The following IQGAP2 variants were observed in gnomAD, a reference collection of about 807,000 sequenced individuals.
IQGAP2 encodes the protein ras GTPase-activating-like protein IQGAP2.
IQGAP2 carries 173 observed loss-of-function variants against 201.3 expected under a neutral mutation model. The ratio of observed to expected loss-of-function variants is 0.86; its 90% confidence interval spans 0.76 to 0.98. The LOEUF is 0.98. Among genes scored for constraint, IQGAP2 ranks in the 50% least tolerant of loss-of-function variants. The pLI is 0.00. For synonymous variants in IQGAP2, 675 were observed against 673.9 expected (o/e 1.00, Z -0.03); for missense variants, 1,687 against 1,864.8 (o/e 0.90, Z 1.76).
At chr5:76,548,143 G>A (rs1028759892) in intron 2 of IQGAP2, among the ~76,000 whole-genome samples, 14 of 152,296 alleles carry the variant, frequency 9.2e-5, no homozygotes, top group African/African-American at 3.1e-4. Flanking sequence ...TCTCTGTGAG[G>A]TAGCAAGTAT....
At chr5:76,704,644 A>G (rs1747715115) in intron 35 of IQGAP2, among the ~76,000 whole-genome samples, 1 of 152,204 alleles carries the variant, frequency 6.6e-6, no homozygotes, top group Non-Finnish European at 1.5e-5. Context: ...TGTTTTTAAA[A>G]TTATTAAGGA....
At chr5:76,508,977 T>G (rs1287643684) in intron 2 of IQGAP2, among the ~76,000 whole-genome samples, 2 of 152,040 alleles carry the variant, frequency 1.3e-5, no homozygotes, top group Non-Finnish European at 2.9e-5. Flanking sequence ...ACCATGCTGA[T>G]GACAGTGTGC....
intron 1 of IQGAP2, among the ~76,000 whole-genome samples, chr5:76,440,662 T>C (rs923775231): frequency 3.9e-5 from 6 of 152,318 alleles, no homozygotes; most frequent in South Asian, 4.1e-4. Context: ...GCTGGCCAAG[T>C]TGACAGTGAT....
At chr5:76,544,076 G>A (rs1742947639) in intron 2 of IQGAP2, among the ~76,000 whole-genome samples, 2 of 152,108 alleles carry the variant, frequency 1.3e-5, no homozygotes, top group African/African-American at 4.8e-5. Context: ...GGTCCTGGTA[G>A]GCATCACTTT....
At chr5:76,462,687 A>G (rs184198600) in intron 2 of IQGAP2, among the ~76,000 whole-genome samples, 2 of 152,320 alleles carry the variant, frequency 1.3e-5, no homozygotes, top group Admixed American at 1.3e-4. Context: ...CTGATCACTG[A>G]TGAATGGCTA....
chr5:76,465,344 G>A (rs10038378), intron 2 of IQGAP2, among the ~76,000 whole-genome samples: 88,933 of 151,994 alleles, frequency 0.59, 26,597 homozygotes, highest in East Asian at 0.84. Context: ...GAAGCATTTG[G>A]TAAAATCCAG....
intron 35 of IQGAP2, among the ~76,000 whole-genome samples, chr5:76,705,874 C>T (rs900271550): frequency 6.6e-6 from 1 of 152,230 alleles, no homozygotes; most frequent in African/African-American, 2.4e-5. Flanking sequence ...GAAAGGCTTC[C>T]TGTACCTATG....
chr5:76,652,643 A>C, intron 17 of IQGAP2, 107 bp from the exon 18 acceptor site: 1 of 806,274 alleles, frequency 1.2e-6, no homozygotes, highest in Non-Finnish European at 2.2e-6. Context: ...AGGGTGCCTG[A>C]CAGTGTCCCA....
chr5:76,483,351 T>C (rs772811808), intron 2 of IQGAP2, among the ~76,000 whole-genome samples: 2 of 152,214 alleles, frequency 1.3e-5, no homozygotes, highest in Non-Finnish European at 2.9e-5. Context: ...AACCTAGAAG[T>C]ATATGCATGT....
At chr5:76,510,761 T>C in intron 2 of IQGAP2, 1 of 481,082 alleles carries the variant, frequency 2.1e-6, no homozygotes, top group Non-Finnish European at 4.2e-6. Context: ...CACACCAGAC[T>C]TGCAGTAACC....
At chr5:76,517,433 T>G (rs1231560328) in intron 2 of IQGAP2, among the ~76,000 whole-genome samples, 2 of 152,156 alleles carry the variant, frequency 1.3e-5, no homozygotes, top group Non-Finnish European at 2.9e-5. Context: ...TACCTGGTTT[T>G]ACATTCTAAT....
intron 14 of IQGAP2, among the ~76,000 whole-genome samples, chr5:76,629,045 G>A (rs1750482804): frequency 6.6e-6 from 1 of 152,162 alleles, no homozygotes; most frequent in African/African-American, 2.4e-5. Context: ...GCCTGCAAAT[G>A]TCAAGTTGAT....
At chr5:76,456,470 G>A (rs1333207010) in intron 1 of IQGAP2, among the ~76,000 whole-genome samples, 1 of 152,124 alleles carries the variant, frequency 6.6e-6, no homozygotes. Context: ...TTTACAGAGG[G>A]TATCAGCTTA....
At chr5:76,623,077 T>A in intron 13 of IQGAP2, 1 of 1,178,802 alleles carries the variant, frequency 8.5e-7, no homozygotes, top group South Asian at 1.3e-5. Flanking sequence ...TTACAGTTTG[T>A]GTGAGATGCA....
At chr5:76,552,889 G>A (rs1389584248) in intron 2 of IQGAP2, among the ~76,000 whole-genome samples, 1 of 152,152 alleles carries the variant, frequency 6.6e-6, no homozygotes, top group African/African-American at 2.4e-5. Flanking sequence ...GAAGTCATAT[G>A]TTGATTCTTT....
intron 2 of IQGAP2, among the ~76,000 whole-genome samples, chr5:76,501,778 G>A (rs909863368): frequency 6.6e-5 from 10 of 151,042 alleles, no homozygotes; most frequent in Non-Finnish European, 1.2e-4. Context: ...AAGTAGCTGG[G>A]ATTACAGGCA....
intron 1 of IQGAP2, among the ~76,000 whole-genome samples, chr5:76,447,707 T>TTTTTCTTTCTTCTTC: frequency 6.6e-6 from 1 of 152,090 alleles, no homozygotes; most frequent in South Asian, 2.1e-4. Context: ...CTCTGGGCTG[T>TTTTTCTTTCTTCTTC]TAAACCAGGA....
intron 2 of IQGAP2, among the ~76,000 whole-genome samples, chr5:76,476,357 C>T (rs896782041): frequency 1.5e-4 from 23 of 152,050 alleles, no homozygotes; most frequent in Admixed American, 2.0e-4. Context: ...AGGATGTGGC[C>T]TGGGAGAAAC....
intron 17 of IQGAP2, among the ~76,000 whole-genome samples, chr5:76,641,692 T>A (rs1291186783): frequency 2.0e-5 from 3 of 152,276 alleles, no homozygotes; most frequent in East Asian, 3.9e-4. Flanking sequence ...ATGTTTCTCT[T>A]CTGTATTCCT....
Sources: gnomAD v4.1 joint callset for allele counts (sites outside exome capture counted in the v4.1 genomes callset) on GRCh38, gnomAD v4.1.1 for gene constraint, MANE v1.5 for transcripts, NCBI Gene and HGNC (gene_info 2026-07-23, HGNC 2026-07-21) for gene names.